MTHFD2L: variants seen among roughly 807,000 people sequenced by gnomAD.
MTHFD2L encodes methylenetetrahydrofolate dehydrogenase (NADP+ dependent) 2 like, also known as bifunctional methylenetetrahydrofolate dehydrogenase/cyclohydrolase 2, mitochondrial.
Under a neutral mutation model 34.9 loss-of-function variants are expected in MTHFD2L, and 29 were observed. The ratio of observed to expected loss-of-function variants is 0.83; its 90% CI spans 0.62 to 1.13. MTHFD2L has a LOEUF of 1.13. Ranked by LOEUF, MTHFD2L falls within the 50% of genes most tolerant of loss-of-function variation. The pLI is 0.00. For synonymous variants in MTHFD2L, 167 were observed against 155.7 expected (o/e 1.07, Z -0.54); for missense variants, 481 against 446.5 (o/e 1.08, Z -0.70).
intron 6 of MTHFD2L, among the ~76,000 whole-genome samples, chr4:74,263,581 T>C (rs1744942400): frequency 6.6e-6 from 1 of 152,070 alleles, no homozygotes; most frequent in East Asian, 1.9e-4. Context: ...TATATTTTAC[T>C]CTTTTTGTGG....
chr4:74,260,357 T>A (rs1050691993), intron 6 of MTHFD2L, among the ~76,000 whole-genome samples: 1 of 152,124 alleles, frequency 6.6e-6, no homozygotes, highest in African/African-American at 2.4e-5. Flanking sequence ...AAGATCTGTT[T>A]GGAGTATGCT....
chr4:74,163,291 T>G (rs1010013179), intron 1 of MTHFD2L, among the ~76,000 whole-genome samples: 1 of 152,236 alleles, frequency 6.6e-6, no homozygotes, highest in African/African-American at 2.4e-5. Flanking sequence ...AATATTTCAG[T>G]AAAACTGGTT....
intron 1 of MTHFD2L, among the ~76,000 whole-genome samples, chr4:74,163,154 G>C (rs530353): frequency 6.6e-6 from 1 of 152,136 alleles, no homozygotes; most frequent in Admixed American, 6.5e-5. Context: ...ATAATTTACA[G>C]ATATTTCAGT....
At chr4:74,255,008 G>T (rs1173019344) in intron 6 of MTHFD2L, among the ~76,000 whole-genome samples, 13 of 151,674 alleles carry the variant, frequency 8.6e-5, no homozygotes, top group African/African-American at 3.1e-4. Context: ...GGTGGCAGGT[G>T]CCTGTAATCC....
chr4:74,206,383 C>CTGGAATTT (rs138612429), intron 5 of MTHFD2L, among the ~76,000 whole-genome samples: 4,969 of 152,142 alleles, frequency 0.033, 97 homozygotes, highest in East Asian at 0.098. Flanking sequence ...GAAGTAATCT[C>CTGGAATTT]TGGAATTTTG....
chr4:74,284,452 G>A (rs1332031142), intron 7 of MTHFD2L, among the ~76,000 whole-genome samples: 2 of 151,906 alleles, frequency 1.3e-5, no homozygotes, highest in Non-Finnish European at 2.9e-5. Context: ...ATTTATTCAT[G>A]TGTCTTTTGG....
intron 1 of MTHFD2L, among the ~76,000 whole-genome samples, chr4:74,148,146 G>A (rs1267211357): frequency 6.6e-6 from 1 of 151,856 alleles, no homozygotes; most frequent in African/African-American, 2.4e-5. Context: ...AATGATATTG[G>A]CACCATGTCA....
intron 7 of MTHFD2L, among the ~76,000 whole-genome samples, chr4:74,291,933 A>G (rs1184214480): frequency 6.6e-6 from 1 of 152,232 alleles, no homozygotes; most frequent in African/African-American, 2.4e-5. Context: ...GCATTAGATA[A>G]TTATAAAGTA....
At chr4:74,279,904 A>G (rs1252133824) in intron 6 of MTHFD2L, among the ~76,000 whole-genome samples, 2 of 152,080 alleles carry the variant, frequency 1.3e-5, no homozygotes, top group Non-Finnish European at 2.9e-5. Context: ...TCCTACAGCT[A>G]TATCTATGTT....
chr4:74,128,891 TG>T (rs1256404395), intron 1 of MTHFD2L, among the ~76,000 whole-genome samples: 2 of 152,208 alleles, frequency 1.3e-5, no homozygotes, highest in East Asian at 3.9e-4. Flanking sequence ...TGAGACCATT[TG>T]TATTCAGTGC....
At chr4:74,251,236 A>C (rs1272778792) in intron 6 of MTHFD2L, among the ~76,000 whole-genome samples, 1 of 152,216 alleles carries the variant, frequency 6.6e-6, no homozygotes, top group Non-Finnish European at 1.5e-5. Flanking sequence ...TTTTACAAGA[A>C]TTCAGTGTAA....
At chr4:74,149,889 T>G (rs996967660) in intron 1 of MTHFD2L, among the ~76,000 whole-genome samples, 1 of 152,208 alleles carries the variant, frequency 6.6e-6, no homozygotes. Context: ...ACAGATGTGA[T>G]TATGGTTTGT....
rs573410856 is a variant in MTHFD2L at position 74,234,639 on chromosome 4, A to AAT, written c.805+9257_805+9258dup. Among the ~76,000 whole-genome samples the AAT allele has an allele frequency of 2.0e-3, 307 of 151,984 alleles. 3 individuals are homozygous for AAT. Among genetic ancestry groups the AAT allele is most frequent in the South Asian group, 4.6e-3 (22 of 4,812 alleles). ...TAAGCCATATAGCAGGCATTAGAAA[A>AAT]ATATATATATATAAACTTGGTTCAG... is the stretch of plus-strand genomic sequence containing the variant. On this transcript the variant is annotated intron_variant, in intron 6 of 7. Coordinates refer to ENST00000325278, the MANE Select transcript of MTHFD2L (RefSeq NM_001144978.3).
intron 6 of MTHFD2L, among the ~76,000 whole-genome samples, chr4:74,239,858 T>A (rs1741442745): frequency 6.6e-6 from 1 of 152,218 alleles, no homozygotes; most frequent in Non-Finnish European, 1.5e-5. Context: ...TGCTTAATAT[T>A]TATTTTAACA....
chr4:74,225,223 G>C, intron 5 of MTHFD2L, 79 bp from the exon 6 acceptor site: 1 of 1,073,258 alleles, frequency 9.3e-7, no homozygotes, highest in South Asian at 1.5e-5. Context: ...GGAAATAAGT[G>C]AAACTCTTCT....
intron 1 of MTHFD2L, among the ~76,000 whole-genome samples, chr4:74,162,843 A>G (rs1725760865): frequency 6.6e-6 from 1 of 152,174 alleles, no homozygotes; most frequent in Non-Finnish European, 1.5e-5. Flanking sequence ...TCTTCTCTAC[A>G]AGCAGTTTAT....
At chr4:74,238,865 TAGGAA>T (rs1741261838) in intron 6 of MTHFD2L, among the ~76,000 whole-genome samples, 2 of 152,240 alleles carry the variant, frequency 1.3e-5, no homozygotes, top group South Asian at 4.1e-4. Flanking sequence ...TGTGGAGAAA[TAGGAA>T]CACGTTTACA....
At chr4:74,182,951 A>G (rs940054139) in intron 3 of MTHFD2L, 1 of 152,216 alleles carries the variant, frequency 6.6e-6, no homozygotes, top group African/African-American at 2.4e-5. Flanking sequence ...ATACCCTTTT[A>G]TAAATGACTG....
intron 6 of MTHFD2L, among the ~76,000 whole-genome samples, chr4:74,237,878 A>G (rs947822859): frequency 2.6e-5 from 4 of 152,232 alleles, no homozygotes; most frequent in African/African-American, 7.2e-5. Context: ...ACTGTCTTCA[A>G]TGAAAAAACT....
Sources: allele counts gnomAD v4.1 joint callset (sites outside exome capture counted in the v4.1 genomes callset), GRCh38; gene constraint gnomAD v4.1.1; transcripts MANE v1.5; gene names NCBI Gene and HGNC (gene_info 2026-07-23, HGNC 2026-07-21).